Variants in CFAP92 observed in about 807,000 individuals in gnomAD.
CFAP92 encodes the protein uncharacterized protein CFAP92.
A neutral mutation model predicts 106.3 loss-of-function variants in CFAP92; 86 were observed. The ratio of observed to expected loss-of-function variants is 0.81; its 90% confidence interval spans 0.68 to 0.97. The LOEUF (loss-of-function observed/expected upper bound fraction) is 0.97, where lower values mean the gene tolerates loss of function less well. CFAP92 is among the 50% of genes least tolerant of loss of function. The probability of loss-of-function intolerance (pLI) is 0.00; values close to 1 mark genes in which losing one functional copy is unlikely to be tolerated. For synonymous variants in CFAP92, 477 were observed against 506.4 expected (o/e 0.94, Z 0.78); for missense variants, 1,204 against 1,283.8 (o/e 0.94, Z 0.95).
intron 12 of CFAP92, among the ~76,000 whole-genome samples, chr3:128,932,175 A>G (rs1451261432): frequency 2.0e-5 from 3 of 152,094 alleles, no homozygotes; most frequent in African/African-American, 7.2e-5. Flanking sequence ...CATACCACAG[A>G]TGTCTGTGTT....
intron 9 of CFAP92, among the ~76,000 whole-genome samples, chr3:128,952,385 A>G (rs899211137): frequency 2.6e-5 from 4 of 152,150 alleles, no homozygotes; most frequent in African/African-American, 9.7e-5. Context: ...CACCCAGCTT[A>G]AACGTAAGAT....
intron 10 of CFAP92, among the ~76,000 whole-genome samples, chr3:128,936,408 T>C (rs1939028524): frequency 6.6e-6 from 1 of 152,234 alleles, no homozygotes; most frequent in Non-Finnish European, 1.5e-5. Context: ...CTGCAAATAA[T>C]TTTGTTTGTA....
intron 10 of CFAP92, among the ~76,000 whole-genome samples, chr3:128,941,920 A>G (rs1939673923): frequency 6.6e-6 from 1 of 152,156 alleles, no homozygotes; most frequent in African/African-American, 2.4e-5. Context: ...TTTCTGGTTA[A>G]TGATTTGTGT....
chr3:128,915,610 C>A, intron 13 of CFAP92, 47 bp from the exon 14 acceptor site: 1 of 1,269,502 alleles, frequency 7.9e-7, no homozygotes, highest in Non-Finnish European at 1.1e-6. Flanking sequence ...TAATAGCAAT[C>A]TTGGATTTAT....
chr3:128,935,103 C>T (rs1559868954), intron 11 of CFAP92, 22 bp downstream of exon 11: 2 of 1,499,650 alleles, frequency 1.3e-6, no homozygotes, highest in Non-Finnish European at 1.8e-6. Context: ...CGCAGGACCA[C>T]ATGCGAGCTG....
intron 12 of CFAP92, among the ~76,000 whole-genome samples, chr3:128,922,872 G>A (rs1186161999): frequency 2.0e-5 from 3 of 152,160 alleles, no homozygotes; most frequent in Admixed American, 1.3e-4. Context: ...CACCTGTATG[G>A]TGCAAATTTA....
intron 10 of CFAP92, among the ~76,000 whole-genome samples, chr3:128,937,348 T>C (rs893162382): frequency 6.6e-5 from 10 of 150,792 alleles, no homozygotes; most frequent in East Asian, 5.9e-4. Flanking sequence ...CGTAGTGGTT[T>C]ACGCCTGTAA....
intron 12 of CFAP92, among the ~76,000 whole-genome samples, chr3:128,921,670 G>C (rs545952011): frequency 2.2e-4 from 34 of 152,212 alleles, no homozygotes; most frequent in Non-Finnish European, 4.7e-4. Context: ...AAAAGTCCCA[G>C]TGTATGCCCC....
chr3:128,988,715 C>G lies in CFAP92; in HGVS notation c.453+13G>C, dbSNP rs745834115. 2 of 1,613,270 alleles carry G rather than the reference C, an allele frequency of 1.2e-6. No individual in the cohort carries two copies. The highest frequency in any genetic ancestry group is 2.2e-5 in the East Asian group (1 of 44,828). On this transcript the variant is annotated intron_variant, in intron 3 of 15. Coordinates refer to ENST00000645291, the MANE Select transcript of CFAP92 (RefSeq NM_001394090.1). ...CAGACCATACACAAGGCCACACACA[C>G]TCACACACGCACCTTTACTCCTGAC... is the stretch of plus-strand genomic sequence containing the variant.
intron 12 of CFAP92, among the ~76,000 whole-genome samples, chr3:128,921,621 A>G (rs895201041): frequency 4.6e-5 from 7 of 152,224 alleles, no homozygotes; most frequent in African/African-American, 1.7e-4. Flanking sequence ...GGAATGTAGA[A>G]AAGGAAATCA....
At chr3:128,981,301 G>C (rs1163562919) in intron 4 of CFAP92, among the ~76,000 whole-genome samples, 3 of 151,810 alleles carry the variant, frequency 2.0e-5, no homozygotes, top group Non-Finnish European at 2.9e-5. Context: ...CTCCCAAAGT[G>C]CTGAGATTAC....
At chr3:128,995,526 A>C (rs570674529), upstream of CFAP92, among the ~76,000 whole-genome samples, 12 of 152,280 alleles carry the variant, frequency 7.9e-5, no homozygotes, top group African/African-American at 2.6e-4. Flanking sequence ...ACCAGCCCCC[A>C]AAAGGGCCCT....
In CFAP92 at chr3:128,915,270, C is replaced by G; in HGVS notation, c.3129G>C (p.Trp1043Cys). Residue 1043 changes from tryptophan (W) to cysteine (C), a missense_variant, in exon 15 of 16, where the codon TGG becomes TGC. Physicochemically the swap from Trp to Cys is radical, Grantham distance 215. Coordinates refer to ENST00000645291, the MANE Select transcript of CFAP92 (RefSeq NM_001394090.1). ...CATTAGCAAACAGGGAGTTTTCCTT[C>G]CACTCCTAAATTGGGGGAGTAAGTA... ...LPPIKELNEE[W>C]KENSLFANVL... The G allele has an allele frequency of 6.5e-7, 1 of 1,536,154 alleles. No individual in the cohort carries two copies. Among genetic ancestry groups the G allele is most frequent in the Non-Finnish European group, 8.7e-7 (1 of 1,146,914 alleles).
In CFAP92 at chr3:128,975,877, ATGGT is replaced by A; in HGVS notation, c.919_922del (p.Thr307PhefsTer8). 1 of 1,610,290 alleles carries A rather than the reference ATGGT, an allele frequency of 6.2e-7. No homozygotes were observed. The highest frequency in any genetic ancestry group is 8.5e-7 in the Non-Finnish European group (1 of 1,178,446). ...CATCATGCTTGCTCCTGCCAAAGAA[ATGGT>A]TGGTGTTCTTGAAACACTCCATCTA... On this transcript the variant is annotated frameshift_variant, in exon 7 of 16. Transcript: ENST00000645291. LOFTEE classifies it high-confidence loss of function.
chr3:128,928,545 G>A (rs1937964400), intron 12 of CFAP92, among the ~76,000 whole-genome samples: 1 of 152,162 alleles, frequency 6.6e-6, no homozygotes. Context: ...AAGATGCTAA[G>A]TCAATTTAAT....
At position 128,987,744 on chromosome 3, in the gene CFAP92, T is replaced by G. The variant is rs1576636884; in HGVS notation, c.539A>C (p.Lys180Thr). Reference protein sequence around the residue: ...FNITVTKELLKKINFHKITLR... With the variant: ...FNITVTKELLTKINFHKITLR... ...GGTGATTTTGTGGAAATTTATTTTC[T>G]TTAATAATTCCTTTGTCACAGTGAT... The change falls in exon 4 of 16, where the codon AAG becomes ACG. Residue 180 changes from lysine to threonine, a missense_variant. Lys to Thr is a moderately conservative substitution (Grantham distance 78). Coordinates refer to ENST00000645291, the MANE Select transcript of CFAP92 (RefSeq NM_001394090.1). The G allele has an allele frequency of 1.9e-6, 3 of 1,613,910 alleles. No homozygotes were observed. The highest frequency in any genetic ancestry group is 2.5e-6 in the Non-Finnish European group (3 of 1,179,852).
At chr3:128,924,727 G>A (rs71331679) in intron 12 of CFAP92, among the ~76,000 whole-genome samples, 408 of 152,226 alleles carry the variant, frequency 2.7e-3, no homozygotes, top group Admixed American at 7.3e-3. Context: ...GATTATAGGC[G>A]TGAGCCACCA....
intron 10 of CFAP92, among the ~76,000 whole-genome samples, chr3:128,938,745 G>C (rs1939324027): frequency 6.6e-6 from 1 of 152,030 alleles, no homozygotes; most frequent in Non-Finnish European, 1.5e-5. Context: ...GCCCGCCTCA[G>C]CCTCCCAAAG....
intron 1 of CFAP92, among the ~76,000 whole-genome samples, chr3:128,999,611 T>A (rs1201817701): frequency 1.3e-5 from 2 of 148,362 alleles, no homozygotes; most frequent in Non-Finnish European, 3.0e-5. Flanking sequence ...GGATCTCAGC[T>A]TACTGCAACC....
Sources: allele counts gnomAD v4.1 joint callset (sites outside exome capture counted in the v4.1 genomes callset), GRCh38; gene constraint gnomAD v4.1.1; transcripts MANE v1.5; gene names NCBI Gene and HGNC (gene_info 2026-07-23, HGNC 2026-07-21).